Variants in PROSER2 observed in about 807,000 individuals in gnomAD.
PROSER2 encodes the protein proline and serine-rich protein 2.
Under a neutral mutation model 14.6 loss-of-function variants are expected in PROSER2, and 18 were observed. The observed-to-expected ratio is 1.23, with a 90% CI of 0.85 to 1.83. The LOEUF (loss-of-function observed/expected upper bound fraction) is 1.83. PROSER2 is among the 40% of genes most tolerant of loss of function. PROSER2 has a pLI of 0.00. For missense variants in PROSER2, 823 were observed against 629.8 expected (o/e 1.31, Z -3.28); for synonymous variants, 367 against 286.4 (o/e 1.28, Z -2.84).
chr10:11,827,814 G>T (rs1833636694), intron 1 of PROSER2, among the ~76,000 whole-genome samples: 1 of 151,872 alleles, frequency 6.6e-6, no homozygotes, highest in South Asian at 2.1e-4. Flanking sequence ...GAGTAGCTGG[G>T]ACTACGGGTG....
rs1588503386 is a variant in PROSER2 at position 11,870,206 on chromosome 10, C to T, written c.1108C>T (p.Pro370Ser). 2 of 1,490,582 alleles carry T rather than the reference C, an allele frequency of 1.3e-6. No homozygotes were observed. The highest frequency in any genetic ancestry group is 1.8e-6 in the Non-Finnish European group (2 of 1,127,382). The allele number at this position is 1,490,582 out of a possible 1,614,324, so 92.3% of individuals were successfully genotyped here. A position where few individuals can be genotyped will look rare whatever the true frequency, so the allele number is the denominator to read the frequency against. The stretch of plus-strand genomic sequence containing the variant: ...CGCTGGGAAGTCCCTCTGCTTCCGC[C>T]CTGGCCCGGCCCTGCCCAGCACGCG... The part of the protein sequence containing the change: ...APAGKSLCFR[P>S]GPALPSTRAR... The change falls in exon 4 of 4, where the codon CCT becomes TCT. Residue 370 changes from proline to serine, a missense_variant. Pro to Ser is a moderately conservative substitution (Grantham distance 74). Coordinates refer to ENST00000277570, the MANE Select transcript of PROSER2 (RefSeq NM_153256.4).
intron 2 of PROSER2, among the ~76,000 whole-genome samples, chr10:11,852,899 A>G (rs1190577261): frequency 1.5e-5 from 2 of 135,986 alleles, no homozygotes. Context: ...GTGCAAGTAA[A>G]GATGCTTTTG....
chr10:11,869,341 A>C lies in PROSER2; in HGVS notation c.392-149A>C. On this transcript the variant is annotated intron_variant, in intron 3 of 3. Coordinates refer to ENST00000277570, the MANE Select transcript of PROSER2 (RefSeq NM_153256.4). This position sits in a 1 kb window ranked among gnomAD's most constrained non-coding sequence, Gnocchi z 4.4. ...CACCTTCTCCTTCCCTAGTCCCAGG[A>C]ACAGGGAGAGAGGAGTTGACTCACA... is the stretch of plus-strand genomic sequence containing the variant. 1.6e-6 allele frequency: 1 copy of C among 639,580 alleles called. No homozygotes were observed. Among genetic ancestry groups the C allele is most frequent in the Non-Finnish European group, 2.8e-6 (1 of 352,664 alleles). 39.6% of individuals were successfully genotyped at this position (639,580 alleles called of 1,614,324 possible).
chr10:11,864,345 T>A (rs1834302061), intron 2 of PROSER2, among the ~76,000 whole-genome samples: 1 of 152,184 alleles, frequency 6.6e-6, no homozygotes, highest in South Asian at 2.1e-4. Flanking sequence ...AATGAAGTTA[T>A]AAGAATAGTA....
Position 11,853,821 on chromosome 10 carries a change from A to G in PROSER2, c.138+1606A>G, listed in dbSNP as rs568454716. Among the ~76,000 whole-genome samples the G allele has an allele frequency of 9.2e-5, 14 of 152,202 alleles. No homozygotes were observed. In the South Asian group the frequency reaches 2.7e-3, roughly 29 times the overall value. On this transcript the variant is annotated intron_variant, in intron 2 of 3. Transcript: ENST00000277570. ...TTCCTTCCTCCTCCCTACTGCACAC[A>G]TTTCTTAATTCTACCAGTTTTATGG...
chr10:11,870,314 G>C lies in PROSER2; in HGVS notation c.1216G>C (p.Gly406Arg). ...CGCAGACTCCCTGCCCCGGCCCCAGGGCATCACCGTGCAGTTCGCGGGCCG... is the reference window on the plus strand; with the variant it reads ...CGCAGACTCCCTGCCCCGGCCCCAGCGCATCACCGTGCAGTTCGCGGGCCG... ...RRADSLPRPQ[G>R]ITVQFAGRGS... Residue 406 changes from glycine to arginine, a missense_variant, in exon 4 of 4, where the codon GGC becomes CGC. Transcript: ENST00000277570. The C allele has an allele frequency of 6.7e-7, 1 of 1,498,374 alleles. No individual in the cohort carries two copies. The highest frequency in any genetic ancestry group is 8.9e-7 in the Non-Finnish European group (1 of 1,128,982). 92.8% of individuals were successfully genotyped at this position (1,498,374 alleles called of 1,614,324 possible). A position where few individuals can be genotyped will look rare whatever the true frequency, so the allele number is the denominator to read the frequency against.
In PROSER2 at chr10:11,870,053, G is replaced by T. The variant is rs1834444392; in HGVS notation, c.955G>T (p.Gly319Cys). ...CTCCTCCCCGGAGCGGGTGGCGCGT[G>T]GCCGGGGCCTGCCGGGCCCCGCTGA... ...GGSSPERVAR[G>C]RGLPGPAESL... Residue 319 changes from glycine to cysteine, a missense_variant, in exon 4 of 4, where the codon GGC (glycine) becomes TGC (cysteine). By Grantham distance (159) the Gly-to-Cys change is radical (BLOSUM62 -3). Coordinates refer to ENST00000277570, the MANE Select transcript of PROSER2 (RefSeq NM_153256.4). 1 of 1,238,196 alleles carries T rather than the reference G, an allele frequency of 8.1e-7. No homozygotes were observed. Among genetic ancestry groups the T allele is most frequent in the Non-Finnish European group, 1.0e-6 (1 of 991,254 alleles). 76.7% of individuals were successfully genotyped at this position (1,238,196 alleles called of 1,614,324 possible).
At position 11,870,887 on chromosome 10, in the gene PROSER2, T is replaced by C. The variant is rs1554769000; in HGVS notation, c.*481T>C. 1.2e-5 allele frequency: 2 copies of C among 164,870 alleles called. No homozygotes were observed. The highest frequency in any genetic ancestry group is 2.9e-5 in the Non-Finnish European group (2 of 68,328). The allele number at this position is 164,870 out of a possible 1,614,324, so 10.2% of individuals were successfully genotyped here. A position where few individuals can be genotyped will look rare whatever the true frequency, so the allele number is the denominator to read the frequency against. On this transcript the variant is annotated 3_prime_UTR_variant, in exon 4 of 4. Coordinates refer to ENST00000277570, the MANE Select transcript of PROSER2 (RefSeq NM_153256.4). ...ATGCTTGTTTCATTTTTTAATGTCT[T>C]AATATACTTGCTTTTGTTTTTGAAG...
intron 1 of PROSER2, among the ~76,000 whole-genome samples, chr10:11,826,189 C>T (rs761303512): frequency 1.3e-5 from 2 of 152,160 alleles, no homozygotes; most frequent in East Asian, 1.9e-4. Flanking sequence ...CCGTCCGTGT[C>T]GCGGCGTGTA....
intron 1 of PROSER2, among the ~76,000 whole-genome samples, chr10:11,834,737 A>G (rs1346089867): frequency 6.6e-6 from 1 of 152,044 alleles, no homozygotes; most frequent in Non-Finnish European, 1.5e-5. Flanking sequence ...TCCATCTCAA[A>G]AAAATAAATA....
At chr10:11,864,419 C>T (rs1203788885) in intron 2 of PROSER2, among the ~76,000 whole-genome samples, 1 of 152,156 alleles carries the variant, frequency 6.6e-6, no homozygotes, top group Non-Finnish European at 1.5e-5. Flanking sequence ...CACATTTTAA[C>T]ATGCGCTCTC....
At position 11,830,076 on chromosome 10, in the gene PROSER2, C is replaced by G. The variant is rs1041532747; in HGVS notation, c.-82+6606C>G. Among the ~76,000 whole-genome samples, 3 of 152,050 alleles carry G rather than the reference C, an allele frequency of 2.0e-5. No homozygotes were observed. Among genetic ancestry groups the G allele is most frequent in the Non-Finnish European group, 4.4e-5 (3 of 68,014 alleles). On this transcript the variant is annotated intron_variant, in intron 1 of 3. Coordinates refer to ENST00000277570, the MANE Select transcript of PROSER2 (RefSeq NM_153256.4). This position sits in a 1 kb window ranked among gnomAD's most constrained non-coding sequence, Gnocchi z 4.5. Reference sequence around the variant, plus strand: ...CATGCTGGTCTCGAACTCCTGAGCTCAAGTGATTCACCTACCTCAGCCTCC... The same window carrying G: ...CATGCTGGTCTCGAACTCCTGAGCTGAAGTGATTCACCTACCTCAGCCTCC...
intron 2 of PROSER2, among the ~76,000 whole-genome samples, chr10:11,855,540 A>T (rs897451142): frequency 5.3e-5 from 8 of 152,140 alleles, no homozygotes; most frequent in Non-Finnish European, 8.8e-5. Context: ...AGAGTACCCT[A>T]AAGTTTTAAG....
rs112042307 is a variant in PROSER2, at chr10:11,835,724, G to A, written c.-82+12254G>A. On this transcript the variant is annotated intron_variant, in intron 1 of 3. Coordinates refer to ENST00000277570, the MANE Select transcript of PROSER2 (RefSeq NM_153256.4). ...ATGAAAAAACAGGACTCTTTTCTTC[G>A]TTTGAGTAAAATCAAAGCAAAGTGC... Among the ~76,000 whole-genome samples the A allele has an allele frequency of 2.0e-3, 298 of 152,228 alleles. 3 individuals carry two copies. Among genetic ancestry groups the A allele is most frequent in the African/African-American group, 6.8e-3 (282 of 41,524 alleles).
intron 2 of PROSER2, among the ~76,000 whole-genome samples, chr10:11,855,345 G>T (rs1002326631): frequency 1.3e-5 from 2 of 151,588 alleles, no homozygotes; most frequent in African/African-American, 4.8e-5. Context: ...GTGTTGGCGG[G>T]CGCCTGTAGT....
At chr10:11,844,734 A>G (rs1833899227) in intron 1 of PROSER2, among the ~76,000 whole-genome samples, 1 of 152,040 alleles carries the variant, frequency 6.6e-6, no homozygotes, top group African/African-American at 2.4e-5. Context: ...CGATTCTCCC[A>G]CCCTAGTCTC....
intron 2 of PROSER2, among the ~76,000 whole-genome samples, chr10:11,853,235 T>C (rs1251889760): frequency 2.6e-5 from 4 of 152,204 alleles, no homozygotes; most frequent in Non-Finnish European, 5.9e-5. Flanking sequence ...TGACAGAATT[T>C]TCTAGACCCC....
intron 3 of PROSER2, among the ~76,000 whole-genome samples, chr10:11,868,209 A>G (rs1019355400): frequency 2.0e-5 from 3 of 152,242 alleles, no homozygotes; most frequent in African/African-American, 7.2e-5. Flanking sequence ...TAGTCATGCC[A>G]AGGAAAACAC....
chr10:11,840,908 G>C (rs866323311), intron 1 of PROSER2, among the ~76,000 whole-genome samples: 7 of 119,180 alleles, frequency 5.9e-5, no homozygotes, highest in African/African-American at 1.9e-4. Flanking sequence ...CTGGGCGTCA[G>C]AGTGAGACTG....
Sources: gnomAD v4.1 joint callset for allele counts (sites outside exome capture counted in the v4.1 genomes callset) on GRCh38, gnomAD v4.1.1 for gene constraint, Gnocchi (gnomAD v3.1) non-coding constraint, MANE v1.5 for transcripts, NCBI Gene and HGNC (gene_info 2026-07-23, HGNC 2026-07-21) for gene names.